The following TNFRSF8 variants were observed in gnomAD, a reference collection of about 807,000 sequenced individuals.
The protein encoded by TNFRSF8 is TNF receptor superfamily member 8, also known as tumor necrosis factor receptor superfamily member 8.
In TNFRSF8, 26 loss-of-function variants were observed where a neutral mutation model predicts 70.8. That is an observed-to-expected ratio of 0.37 (90% CI 0.27 to 0.51). The LOEUF (loss-of-function observed/expected upper bound fraction) is 0.51. Ranked by LOEUF, TNFRSF8 falls within the 20% of genes least tolerant of loss-of-function variation. The probability of loss-of-function intolerance (pLI) is 0.94; values close to 1 mark genes in which losing one functional copy is unlikely to be tolerated. For synonymous variants in TNFRSF8, 356 were observed against 339.2 expected (o/e 1.05, Z -0.54); for missense variants, 720 against 807.9 (o/e 0.89, Z 1.32).
intron 1 of TNFRSF8, among the ~76,000 whole-genome samples, chr1:12,079,130 G>A (rs1015991988): frequency 3.3e-5 from 5 of 152,174 alleles, no homozygotes; most frequent in East Asian, 1.9e-4. Context: ...TTCTAGACTC[G>A]TCTCCCACAG....
At position 12,088,966 on chromosome 1, in the gene TNFRSF8, GC is replaced by G. The variant is rs577890005; in HGVS notation, c.151+4420del. 3.9e-5 allele frequency among the ~76,000 whole-genome samples: 6 copies of G among 152,092 alleles called. No individual in the cohort carries two copies. The highest frequency in any genetic ancestry group is 7.4e-5 in the Non-Finnish European group (5 of 68,006). On this transcript the variant is annotated intron_variant, in intron 2 of 14. Coordinates refer to ENST00000263932, the MANE Select transcript of TNFRSF8 (RefSeq NM_001243.5). The surrounding 1 kb of genome is among the most constrained non-coding windows in gnomAD (Gnocchi z 4.0). ...TGCCCTCTGACACTGTCCCAGCAGA[GC>G]CCCCTCACAGCACCTCCTGGCCCCC...
rs1335346216 is a variant in TNFRSF8, at chr1:12,110,264, A to G, written c.676+60A>G. The G allele has an allele frequency of 1.7e-5, 26 of 1,494,244 alleles. No homozygotes were observed. Among genetic ancestry groups the G allele is most frequent in the Non-Finnish European group, 2.3e-5 (26 of 1,117,158 alleles). 92.6% of individuals were successfully genotyped at this position (1,494,244 alleles called of 1,614,324 possible). A position where few individuals can be genotyped will look rare whatever the true frequency, so the allele number is the denominator to read the frequency against. On this transcript the variant is annotated intron_variant, in intron 6 of 14. Transcript: ENST00000263932. The surrounding 1 kb of genome is among the most constrained non-coding windows in gnomAD (Gnocchi z 4.0). ...GGGGTGCTCGATTGGTGGATGGCCCATGAGTGGGGGTGTTTGGAGCAGGCG... is the reference window on the plus strand; with the variant it reads ...GGGGTGCTCGATTGGTGGATGGCCCGTGAGTGGGGGTGTTTGGAGCAGGCG...
intron 1 of TNFRSF8, chr1:12,080,501 T>C: frequency 4.0e-6 from 2 of 505,016 alleles, no homozygotes; most frequent in South Asian, 1.5e-5. Flanking sequence ...AGCAGAGTGG[T>C]CGAGCTTGTT....
At chr1:12,130,485 G>A (rs569504832) in intron 12 of TNFRSF8, among the ~76,000 whole-genome samples, 6 of 152,274 alleles carry the variant, frequency 3.9e-5, no homozygotes, top group African/African-American at 1.2e-4. Flanking sequence ...CAAGGAGCCC[G>A]GGGTTTGCAT....
intron 3 of TNFRSF8, among the ~76,000 whole-genome samples, chr1:12,097,739 G>A (rs768678262): frequency 1.3e-5 from 2 of 151,230 alleles, no homozygotes; most frequent in African/African-American, 2.4e-5. Flanking sequence ...ATTTTTGTGT[G>A]GATTTTTTTG....
chr1:12,118,141 C>T (rs1383048912), intron 8 of TNFRSF8, among the ~76,000 whole-genome samples: 9 of 140,582 alleles, frequency 6.4e-5, no homozygotes, highest in Admixed American at 1.5e-4. Context: ...GACAAAGTCT[C>T]GCTCTGTTGC....
At chr1:12,103,951 C>T (rs965371671) in intron 3 of TNFRSF8, among the ~76,000 whole-genome samples, 3 of 152,338 alleles carry the variant, frequency 2.0e-5, no homozygotes, top group East Asian at 1.9e-4. Flanking sequence ...ATGATGACCA[C>T]GTGCCCACCA....
At chr1:12,134,260 A>G (rs558109383) in intron 12 of TNFRSF8, among the ~76,000 whole-genome samples, 21 of 152,222 alleles carry the variant, frequency 1.4e-4, no homozygotes, top group African/African-American at 5.1e-4. Context: ...TTGGTGGCAG[A>G]TTTGTCTAGC....
At chr1:12,080,011 T>C (rs902921625) in intron 1 of TNFRSF8, among the ~76,000 whole-genome samples, 1 of 151,016 alleles carries the variant, frequency 6.6e-6, no homozygotes, top group African/African-American at 2.4e-5. Flanking sequence ...TGCAATGGCG[T>C]GATCTCGGCT....
intron 2 of TNFRSF8, 72 bp downstream of exon 2, chr1:12,084,623 G>C: frequency 7.3e-7 from 1 of 1,368,488 alleles, no homozygotes; most frequent in Non-Finnish European, 1.0e-6. Context: ...TTGGGGGATT[G>C]ATGAGTGGGG....
chr1:12,063,487 G>C lies in TNFRSF8; in HGVS notation c.-112G>C, dbSNP rs550913938. 1.0e-6 allele frequency: 1 copy of C among 976,916 alleles called. No homozygotes were observed. The highest frequency in any genetic ancestry group is 1.3e-6 in the Non-Finnish European group (1 of 742,354). The allele number at this position is 976,916 out of a possible 1,614,324, so 60.5% of individuals were successfully genotyped here. On this transcript the variant is annotated 5_prime_UTR_variant, in exon 1 of 15. Coordinates refer to ENST00000263932, the MANE Select transcript of TNFRSF8 (RefSeq NM_001243.5). This position sits in a 1 kb window ranked among gnomAD's most constrained non-coding sequence, Gnocchi z 7.2. ...CCGCGGCGGGAGTGTGCTGGAGCCT[G>C]AAGTCCACGCGCGCGGCTGAGAACC...
At chr1:12,100,826 A>G (rs1346118618) in intron 3 of TNFRSF8, among the ~76,000 whole-genome samples, 1 of 152,142 alleles carries the variant, frequency 6.6e-6, no homozygotes, top group Non-Finnish European at 1.5e-5. Context: ...GCACGTTGGC[A>G]TGCGCCTGTA....
intron 1 of TNFRSF8, among the ~76,000 whole-genome samples, chr1:12,083,901 A>T (rs1641107575): frequency 6.6e-6 from 1 of 152,174 alleles, no homozygotes; most frequent in Non-Finnish European, 1.5e-5. Flanking sequence ...ACACTAATAG[A>T]GCGATAGAAA....
intron 2 of TNFRSF8, among the ~76,000 whole-genome samples, chr1:12,094,141 T>C (rs12727492): frequency 1.3e-5 from 2 of 150,926 alleles, no homozygotes. Context: ...CCGCACCCGA[T>C]GGAGCTGACA....
At position 12,063,496 on chromosome 1, in the gene TNFRSF8, G is replaced by A. The variant is rs1401864714; in HGVS notation, c.-103G>A. 3.7e-6 allele frequency: 4 copies of A among 1,072,862 alleles called. No homozygotes were observed. Among genetic ancestry groups the A allele is most frequent in the Non-Finnish European group, 4.8e-6 (4 of 828,722 alleles). The allele number at this position is 1,072,862 out of a possible 1,614,324, so 66.5% of individuals were successfully genotyped here. On this transcript the variant is annotated 5_prime_UTR_variant, in exon 1 of 15. Transcript: ENST00000263932. The surrounding 1 kb of genome is among the most constrained non-coding windows in gnomAD (Gnocchi z 7.2). The stretch of plus-strand genomic sequence containing the variant: ...GAGTGTGCTGGAGCCTGAAGTCCAC[G>A]CGCGCGGCTGAGAACCGCCGGGACC...
chr1:12,080,802 C>T, intron 1 of TNFRSF8, among the ~76,000 whole-genome samples: 1 of 152,134 alleles, frequency 6.6e-6, no homozygotes, highest in East Asian at 1.9e-4. Context: ...TCAGCTGACC[C>T]TCCTGTCTCA....
At chr1:12,120,377 A>G (rs1349963093) in intron 8 of TNFRSF8, among the ~76,000 whole-genome samples, 1 of 152,244 alleles carries the variant, frequency 6.6e-6, no homozygotes, top group East Asian at 1.9e-4. Flanking sequence ...AGAGAATTGT[A>G]GTAAATTTCA....
chr1:12,132,175 C>T (rs1291249085), intron 12 of TNFRSF8, among the ~76,000 whole-genome samples: 1 of 152,242 alleles, frequency 6.6e-6, no homozygotes, highest in Non-Finnish European at 1.5e-5. Context: ...CCAGTTTCCT[C>T]TGTGATTAGC....
rs1447973205 is a variant in TNFRSF8 at position 12,126,316 on chromosome 1, A to G, written c.1309+80A>G. ...TCTGGGCCCGGGGCGTGGGCTCCAG[A>G]GACTGAACTTCTACCCCAGCCTCGA... is the stretch of plus-strand genomic sequence containing the variant. On this transcript the variant is annotated intron_variant, in intron 12 of 14. Coordinates refer to ENST00000263932, the MANE Select transcript of TNFRSF8 (RefSeq NM_001243.5). 6.5e-6 allele frequency: 10 copies of G among 1,536,474 alleles called. No homozygotes were observed. In the South Asian group the frequency reaches 1.1e-4, roughly 17 times the overall value.
Sources: gnomAD v4.1 joint callset for allele counts (sites outside exome capture counted in the v4.1 genomes callset) on GRCh38, gnomAD v4.1.1 for gene constraint, Gnocchi (gnomAD v3.1) non-coding constraint, MANE v1.5 for transcripts, NCBI Gene and HGNC (gene_info 2026-07-23, HGNC 2026-07-21) for gene names.